TACC2: variants seen among roughly 807,000 people sequenced by gnomAD.
TACC2 encodes transforming acidic coiled-coil-containing protein 2.
TACC2 carries 137 observed loss-of-function variants against 227.3 expected under a neutral mutation model. The observed-to-expected ratio is 0.60, with a 90% CI of 0.52 to 0.69. The LOEUF is 0.69. Among genes scored for constraint, TACC2 ranks in the 30% least tolerant of loss-of-function variants. TACC2 has a pLI of 0.00. For missense variants in TACC2, 3,470 were observed against 3,694.4 expected, an observed-to-expected ratio of 0.94 and a Z score of 1.57; for synonymous variants, 1,523 against 1,487.5, an observed-to-expected ratio of 1.02 and a Z score of -0.55.
chr10:122,155,476 GTTC>G (rs776029769), intron 7 of TACC2, among the ~76,000 whole-genome samples: 60 of 152,300 alleles, frequency 3.9e-4, no homozygotes, highest in Non-Finnish European at 7.5e-4. Context: ...TGAATTTTCT[GTTC>G]TTCTTGGAAA....
chr10:122,198,411 G>A (rs1010887439), intron 8 of TACC2, among the ~76,000 whole-genome samples: 6 of 152,178 alleles, frequency 3.9e-5, no homozygotes, highest in Non-Finnish European at 7.3e-5. Context: ...GGAATGGTTG[G>A]CTGATGTACA....
intron 6 of TACC2, among the ~76,000 whole-genome samples, chr10:122,135,660 G>A (rs538151953): frequency 1.3e-5 from 2 of 152,300 alleles, no homozygotes; most frequent in Middle Eastern, 3.4e-3. Flanking sequence ...GTCGATCCTC[G>A]TTGGCAGATT....
intron 1 of TACC2, among the ~76,000 whole-genome samples, chr10:121,992,591 A>G (rs1057305768): frequency 1.3e-5 from 2 of 152,212 alleles, no homozygotes; most frequent in African/African-American, 4.8e-5. Context: ...GTGTGGGATC[A>G]TTCTCTTTTT....
chr10:122,238,101 C>G, intron 18 of TACC2, 64 bp downstream of exon 18: 1 of 1,338,276 alleles, frequency 7.5e-7, no homozygotes. Flanking sequence ...TAATAATGAC[C>G]GGAGCTGGTG....
At chr10:122,207,272 C>T (rs2095144251) in intron 8 of TACC2, among the ~76,000 whole-genome samples, 1 of 149,670 alleles carries the variant, frequency 6.7e-6, no homozygotes, top group Admixed American at 6.7e-5. Context: ...GCACTCCAGC[C>T]TGGGTGATGG....
At chr10:122,221,430 T>C (rs11592039) in intron 11 of TACC2, among the ~76,000 whole-genome samples, 52,355 of 152,038 alleles carry the variant, frequency 0.34, 9,420 homozygotes, top group Middle Eastern at 0.5. Context: ...AGTGACTCTT[T>C]GGTGGTCACC....
chr10:122,224,870 G>A (rs554831374), intron 12 of TACC2, 83 bp downstream of exon 12: 2 of 1,145,298 alleles, frequency 1.7e-6, no homozygotes, highest in South Asian at 1.3e-5. Context: ...GTGTCTCTGG[G>A]AGCTCAGACC....
intron 7 of TACC2, among the ~76,000 whole-genome samples, chr10:122,182,257 C>T (rs1226382858): frequency 2.6e-5 from 4 of 152,144 alleles, no homozygotes; most frequent in Non-Finnish European, 5.9e-5. Context: ...TTTTTGGATG[C>T]GTGAAATAGA....
At chr10:122,163,669 A>ACGCCGGCCACACGGGCGCG in intron 7 of TACC2, 1 of 1,040,844 alleles carries the variant, frequency 9.6e-7, no homozygotes, top group Non-Finnish European at 1.2e-6. Flanking sequence ...AGAGCCGCGC[A>ACGCCGGCCACACGGGCGCG]CGCCGGCCAC....
At chr10:122,059,665 C>T (rs562057812) in intron 3 of TACC2, among the ~76,000 whole-genome samples, 1 of 152,174 alleles carries the variant, frequency 6.6e-6, no homozygotes, top group East Asian at 1.9e-4. Flanking sequence ...AGCTCTGCTC[C>T]GGTGGGTAAA....
intron 7 of TACC2, among the ~76,000 whole-genome samples, chr10:122,185,902 T>C (rs766645986): frequency 2.6e-5 from 4 of 152,228 alleles, no homozygotes; most frequent in Non-Finnish European, 5.9e-5. Context: ...TATATTCTTT[T>C]CTTATTAGTA....
rs1205414215 is a variant in TACC2, at chr10:122,238,042, G to A, written c.8348+5G>A. The stretch of plus-strand genomic sequence containing the variant: ...GCGGGAAGTGATGGAAATGAGGTCA[G>A]TTGGGGAGCTGGGCCTTCCTCGTGC... On this transcript the variant is annotated splice_donor_5th_base_variant and intron_variant, in intron 18 of 22. Transcript: ENST00000369005. 1 of 1,613,784 alleles carries A rather than the reference G, an allele frequency of 6.2e-7. No individual in the cohort carries two copies.
chr10:122,126,010 C>G (rs1021692043), intron 5 of TACC2, among the ~76,000 whole-genome samples: 2 of 152,020 alleles, frequency 1.3e-5, no homozygotes, highest in Admixed American at 6.5e-5. Flanking sequence ...ATCTCCTGAC[C>G]TCGTGATCCA....
chr10:122,030,557 A>G (rs180925854), intron 2 of TACC2, among the ~76,000 whole-genome samples: 6 of 152,108 alleles, frequency 3.9e-5, no homozygotes, highest in East Asian at 1.9e-4. Context: ...TCCCACTCCA[A>G]CTGTTCCTCA....
intron 1 of TACC2, among the ~76,000 whole-genome samples, chr10:122,001,544 A>G (rs1446888980): frequency 6.6e-6 from 1 of 152,242 alleles, no homozygotes; most frequent in African/African-American, 2.4e-5. Context: ...AAGCCACACC[A>G]TATCATGTCT....
chr10:122,076,822 T>C (rs1318215500), intron 3 of TACC2, among the ~76,000 whole-genome samples: 1 of 152,132 alleles, frequency 6.6e-6, no homozygotes, highest in Non-Finnish European at 1.5e-5. Context: ...GAAAAGAATG[T>C]TCATGATCTG....
chr10:122,169,795 G>C (rs774815267), intron 7 of TACC2, among the ~76,000 whole-genome samples: 39 of 152,256 alleles, frequency 2.6e-4, no homozygotes, highest in Middle Eastern at 3.4e-3. Context: ...CTGTCACCCA[G>C]ACTGGAGCAC....
rs2080100823 is a variant in TACC2, at chr10:122,086,401, G to A, written c.3901G>A (p.Gly1301Ser). 1 of 1,613,518 alleles carries A rather than the reference G, an allele frequency of 6.2e-7. No individual in the cohort carries two copies. Among genetic ancestry groups the A allele is most frequent in the African/African-American group, 1.3e-5 (1 of 74,938 alleles). Residue 1301 changes from glycine (G) to serine (S), a missense_variant, in exon 4 of 23, where the codon GGT (glycine) becomes AGT (serine). By Grantham distance (56) the Gly-to-Ser change is moderately conservative. Coordinates refer to ENST00000369005, the MANE Select transcript of TACC2 (RefSeq NM_206862.4). ...LAPLLQPGAA[G>S]GEIPAVQASS... ...CCCCCTGTTGCAACCAGGAGCTGCA[G>A]GTGGGGAAATCCCTGCAGTGCAAGC...
intron 11 of TACC2, among the ~76,000 whole-genome samples, chr10:122,217,102 C>T (rs375598185): frequency 2.6e-5 from 4 of 152,132 alleles, no homozygotes; most frequent in East Asian, 1.9e-4. Context: ...GGGTCCTGAG[C>T]GCCCACTCGA....
Sources: allele counts gnomAD v4.1 joint callset (sites outside exome capture counted in the v4.1 genomes callset), GRCh38; gene constraint gnomAD v4.1.1; transcripts MANE v1.5; gene names NCBI Gene and HGNC (gene_info 2026-07-23, HGNC 2026-07-21).